PALLD: variants seen among roughly 807,000 people sequenced by gnomAD.
The protein encoded by PALLD is palladin.
PALLD carries 61 observed loss-of-function variants against 123.5 expected under a neutral mutation model. The ratio of observed to expected loss-of-function variants is 0.49; its 90% CI spans 0.40 to 0.61. The LOEUF (loss-of-function observed/expected upper bound fraction) is 0.61, where lower values mean the gene tolerates loss of function less well. Ranked by LOEUF, PALLD falls within the 20% of genes least tolerant of loss-of-function variation. PALLD has a pLI of 0.00. For synonymous variants in PALLD, 465 were observed against 496.4 expected (o/e 0.94, Z 0.84); for missense variants, 1,273 against 1,377.0 (o/e 0.92, Z 1.20).
At chr4:168,785,842 T>TAGAG (rs201333690) in intron 10 of PALLD, among the ~76,000 whole-genome samples, 2 of 98,932 alleles carry the variant, frequency 2.0e-5, no homozygotes, top group Non-Finnish European at 2.0e-5. Context: ...TAATAAACTG[T>TAGAG]AGAGATATAT....
At chr4:168,548,477 G>A (rs56951138) in intron 2 of PALLD, among the ~76,000 whole-genome samples, 7,024 of 152,182 alleles carry the variant, frequency 0.046, 191 homozygotes, top group South Asian at 0.15. Context: ...TGAAGACAAA[G>A]TTCTTCCCAA....
chr4:168,644,249 G>A (rs144416112), intron 2 of PALLD, among the ~76,000 whole-genome samples: 224 of 151,774 alleles, frequency 1.5e-3, no homozygotes, highest in African/African-American at 5.1e-3. Context: ...CACCAAGAAT[G>A]GCTAATTTTT....
intron 2 of PALLD, among the ~76,000 whole-genome samples, chr4:168,576,457 T>C (rs1769605700): frequency 6.6e-6 from 1 of 152,012 alleles, no homozygotes. Context: ...CATTGTTCAA[T>C]TCCTACCTAT....
At chr4:168,716,643 A>G (rs1785394196) in intron 10 of PALLD, among the ~76,000 whole-genome samples, 2 of 152,224 alleles carry the variant, frequency 1.3e-5, no homozygotes. Flanking sequence ...GACATAGCCT[A>G]TAAAATCATT....
At chr4:168,516,466 T>C (rs1357602529) in intron 2 of PALLD, among the ~76,000 whole-genome samples, 3 of 152,194 alleles carry the variant, frequency 2.0e-5, no homozygotes, top group African/African-American at 7.2e-5. Context: ...AAGGTATTTA[T>C]TTATTTTTAA....
In PALLD at chr4:168,857,561, A is replaced by C. The variant is rs907866532; in HGVS notation, c.1965-33361A>C. ...TAATTGATTTTTATTTTACGTGTAC[A>C]CATTAACTTCATAAATCTTACCTTT... On this transcript the variant is annotated intron_variant, in intron 10 of 21. Coordinates refer to ENST00000505667, the MANE Select transcript of PALLD (RefSeq NM_001166108.2). 1.6e-4 allele frequency among the ~76,000 whole-genome samples: 25 copies of C among 152,360 alleles called. 1 individual carries two copies. The highest frequency in any genetic ancestry group is 1.6e-4 in the Non-Finnish European group (11 of 68,040).
At chr4:168,545,826 G>A (rs1453509932) in intron 2 of PALLD, among the ~76,000 whole-genome samples, 2 of 152,122 alleles carry the variant, frequency 1.3e-5, no homozygotes, top group Non-Finnish European at 2.9e-5. Context: ...ACTTCCTACA[G>A]TCAGAAAGAG....
At chr4:168,682,929 T>TAAA in intron 4 of PALLD, 69 bp from the exon 5 acceptor site, 77 of 735,348 alleles carry the variant, frequency 1.0e-4, no homozygotes, top group Middle Eastern at 6.5e-4. Context: ...TTATTTCTGC[T>TAAA]AAAAAAAAAA....
intron 5 of PALLD, among the ~76,000 whole-genome samples, chr4:168,684,999 A>C (rs981862251): frequency 6.6e-6 from 1 of 151,666 alleles, no homozygotes; most frequent in Non-Finnish European, 1.5e-5. Context: ...GCACGTCAAT[A>C]AAAAAAAATT....
chr4:168,694,377 G>A (rs28641686), intron 8 of PALLD, among the ~76,000 whole-genome samples: 1 of 151,806 alleles, frequency 6.6e-6, no homozygotes. Flanking sequence ...TTTTATTACT[G>A]TCTCTTCCTA....
chr4:168,618,592 C>T (rs1047189015), intron 2 of PALLD, among the ~76,000 whole-genome samples: 1 of 152,198 alleles, frequency 6.6e-6, no homozygotes, highest in Non-Finnish European at 1.5e-5. Context: ...AAGGCAAGTG[C>T]TTTGAAAGGC....
chr4:168,710,949 G>A lies in PALLD; in HGVS notation c.1622-632G>A, dbSNP rs1784778635. Among the ~76,000 whole-genome samples, 3 of 150,936 alleles carry A rather than the reference G, an allele frequency of 2.0e-5. No individual in the cohort carries two copies. The South Asian group carries it at 6.4e-4, about 32-fold the overall frequency. On this transcript the variant is annotated intron_variant, in intron 9 of 21. Coordinates refer to ENST00000505667, the MANE Select transcript of PALLD (RefSeq NM_001166108.2). ...CCTCAATAAGCATTTTTGAGTGCAT[G>A]CCAGGAGCTCTGCTGGGCTGTGTGG...
chr4:168,632,479 G>T (rs1194852363), intron 2 of PALLD, among the ~76,000 whole-genome samples: 1 of 152,164 alleles, frequency 6.6e-6, no homozygotes, highest in African/African-American at 2.4e-5. Context: ...TTGCTTTTCA[G>T]TTGCCTCAAA....
intron 2 of PALLD, among the ~76,000 whole-genome samples, chr4:168,639,927 T>C (rs1364721284): frequency 1.2e-4 from 19 of 152,174 alleles, no homozygotes. Context: ...ATACCAGATC[T>C]TTTTGCTTTT....
chr4:168,527,442 A>AAAAAAAAAAAAAAAAAAAAAAAAAC (rs1764174873), intron 2 of PALLD, among the ~76,000 whole-genome samples: 1 of 148,672 alleles, frequency 6.7e-6, no homozygotes. Context: ...AAAAAAAAAA[A>AAAAAAAAAAAAAAAAAAAAAAAAAC]AAGTCATGCT....
At chr4:168,883,771 G>GT (rs1431205747) in intron 10 of PALLD, among the ~76,000 whole-genome samples, 6 of 152,138 alleles carry the variant, frequency 3.9e-5, no homozygotes, top group Admixed American at 3.3e-4. Context: ...GATCAGTAAT[G>GT]TTTTTTGTAC....
At chr4:168,540,784 AAG>A (rs1025332278) in intron 2 of PALLD, among the ~76,000 whole-genome samples, 2 of 150,836 alleles carry the variant, frequency 1.3e-5, no homozygotes, top group Non-Finnish European at 3.0e-5. Flanking sequence ...TTTTAATGAA[AAG>A]AGTTTTTAGC....
At position 168,512,147 on chromosome 4, in the gene PALLD, C is replaced by G. The variant is rs763918118; in HGVS notation, c.643C>G (p.Leu215Val). The change falls in exon 2 of 22, where the codon CTG (leucine) becomes GTG (valine). Residue 215 changes from leucine (L) to valine (V), a missense_variant. Transcript: ENST00000505667. ...TCCTAAAAATCAGCCGTCAGCCCTG[C>G]TGAGTGCCTCAGCCAGCCAGAGCCC... ...LSPKNQPSALLSASASQSPME... is the reference protein window; with the variant it reads ...LSPKNQPSALVSASASQSPME... The G allele has an allele frequency of 1.9e-6, 3 of 1,614,226 alleles. No homozygotes were observed. The South Asian group carries it at 3.3e-5, about 18-fold the overall frequency.
In PALLD at chr4:168,770,919, G is replaced by T. The variant is rs1464514261; in HGVS notation, c.1964+58996G>T. Among the ~76,000 whole-genome samples, 6 of 152,104 alleles carry T rather than the reference G, an allele frequency of 3.9e-5. No individual in the cohort carries two copies. The South Asian group carries it at 8.3e-4, about 21-fold the overall frequency. On this transcript the variant is annotated intron_variant, in intron 10 of 21. Coordinates refer to ENST00000505667, the MANE Select transcript of PALLD (RefSeq NM_001166108.2). Reference sequence around the variant, plus strand: ...ACTAAAAATACAAGAACTTAGCTGGGCATGGGAGCGGGCACTTGTAGTCCC... The same window carrying T: ...ACTAAAAATACAAGAACTTAGCTGGTCATGGGAGCGGGCACTTGTAGTCCC...
Sources: allele counts gnomAD v4.1 joint callset (sites outside exome capture counted in the v4.1 genomes callset), GRCh38; gene constraint gnomAD v4.1.1; transcripts MANE v1.5; gene names NCBI Gene and HGNC (gene_info 2026-07-23, HGNC 2026-07-21).